Variants in MYZAP observed in about 807,000 individuals in gnomAD.
The protein encoded by MYZAP is GRINL1A complex locus upstream.
A neutral mutation model predicts 69.4 loss-of-function variants in MYZAP; 66 were observed. That is an observed-to-expected ratio of 0.95 (90% CI 0.78 to 1.17). The LOEUF (loss-of-function observed/expected upper bound fraction) is 1.17, where lower values mean the gene tolerates loss of function less well. Ranked by LOEUF, MYZAP falls within the 50% of genes most tolerant of loss-of-function variation. The probability of loss-of-function intolerance (pLI) is 0.00; values close to 1 mark genes in which losing one functional copy is unlikely to be tolerated. For missense variants in MYZAP, 611 were observed against 556.2 expected, an observed-to-expected ratio of 1.10 and a Z score of -0.99; for synonymous variants, 256 against 205.9, an observed-to-expected ratio of 1.24 and a Z score of -2.09.
intron 10 of MYZAP, among the ~76,000 whole-genome samples, chr15:57,644,416 G>T (rs2037333890): frequency 6.6e-6 from 1 of 152,098 alleles, no homozygotes; most frequent in Non-Finnish European, 1.5e-5. Flanking sequence ...CTGGTCCTGG[G>T]AGGATTCTGT....
At position 57,595,676 on chromosome 15, in the gene MYZAP, A is replaced by C. The variant is rs558780714; in HGVS notation, c.75+3567A>C. Reference sequence around the variant, plus strand: ...GGGCTGTGGAATGATAGATCTGTCAAGGATCTTCTCCAGCACCTTGCTCTC... The same window carrying C: ...GGGCTGTGGAATGATAGATCTGTCACGGATCTTCTCCAGCACCTTGCTCTC... On this transcript the variant is annotated intron_variant, in intron 1 of 12. Coordinates refer to ENST00000267853, the MANE Select transcript of MYZAP (RefSeq NM_001018100.5). Among the ~76,000 whole-genome samples, 4 of 152,284 alleles carry C rather than the reference A, an allele frequency of 2.6e-5. No homozygotes were observed. The South Asian group carries it at 8.3e-4, about 32-fold the overall frequency.
chr15:57,593,214 A>ACACACACACACACACAC (rs1172761785), intron 1 of MYZAP, among the ~76,000 whole-genome samples: 1 of 141,342 alleles, frequency 7.1e-6, no homozygotes, highest in Non-Finnish European at 1.5e-5. Flanking sequence ...ACACACACAC[A>ACACACACACACACACAC]CCCCAGAATC....
chr15:57,671,406 G>C (rs1196307856), intron 11 of MYZAP, among the ~76,000 whole-genome samples: 2 of 152,076 alleles, frequency 1.3e-5, no homozygotes, highest in African/African-American at 2.4e-5. Flanking sequence ...TGAGCTTCTT[G>C]AATTTGTAAA....
intron 8 of MYZAP, 67 bp from the exon 9 acceptor site, chr15:57,637,628 G>T: frequency 5.8e-6 from 9 of 1,551,020 alleles, no homozygotes; most frequent in Non-Finnish European, 7.0e-6. Flanking sequence ...TGCTAGAATT[G>T]CTAAATAGAC....
At chr15:57,599,044 T>C (rs2034244245) in intron 1 of MYZAP, among the ~76,000 whole-genome samples, 1 of 152,242 alleles carries the variant, frequency 6.6e-6, no homozygotes, top group Admixed American at 6.5e-5. Context: ...GCTTAATGCG[T>C]GCCAGAAATT....
At chr15:57,625,677 A>C in intron 4 of MYZAP, 102 bp from the exon 5 acceptor site, 1 of 978,602 alleles carries the variant, frequency 1.0e-6, no homozygotes. Flanking sequence ...GATATTGTTG[A>C]AGTAGATGTG....
chr15:57,671,292 C>T (rs1328234502), intron 11 of MYZAP, among the ~76,000 whole-genome samples: 2 of 152,064 alleles, frequency 1.3e-5, no homozygotes, highest in Admixed American at 1.3e-4. Flanking sequence ...AATGATTATG[C>T]TCCTGTATAT....
At chr15:57,633,865 AGACAAAGCTAT>A in intron 8 of MYZAP, 124 bp downstream of exon 8, 2 of 1,113,558 alleles carry the variant, frequency 1.8e-6, no homozygotes, top group Non-Finnish European at 2.3e-6. Context: ...AAAAAAAAAA[AGACAAAGCTAT>A]AAAATAAAGT....
chr15:57,618,943 G>T (rs546668265), intron 3 of MYZAP, among the ~76,000 whole-genome samples: 1 of 152,326 alleles, frequency 6.6e-6, no homozygotes, highest in Non-Finnish European at 1.5e-5. Context: ...GTGCTTGTAA[G>T]AGGCAGTGTA....
chr15:57,678,846 C>T (rs1418757643), intron 12 of MYZAP, among the ~76,000 whole-genome samples: 3 of 151,868 alleles, frequency 2.0e-5, no homozygotes, highest in African/African-American at 7.3e-5. Flanking sequence ...ATTTTTAGAG[C>T]TGCTCTACTT....
chr15:57,618,220 T>A, intron 3 of MYZAP, 32 bp downstream of exon 3: 1 of 1,607,156 alleles, frequency 6.2e-7, no homozygotes, highest in Non-Finnish European at 8.5e-7. Context: ...GCCCCCCACC[T>A]GTATTCTTTT....
intron 11 of MYZAP, 92 bp downstream of exon 11, chr15:57,661,625 C>A: frequency 1.8e-6 from 2 of 1,120,388 alleles, no homozygotes; most frequent in Non-Finnish European, 2.5e-6. Flanking sequence ...AAAAATATGG[C>A]TATTTCCCGG....
intron 5 of MYZAP, 108 bp from the exon 6 acceptor site, chr15:57,629,594 G>A: frequency 6.9e-7 from 1 of 1,441,462 alleles, no homozygotes; most frequent in Non-Finnish European, 9.2e-7. Flanking sequence ...CTGTAGCCTA[G>A]GACAGCTACC....
chr15:57,632,216 G>A (rs2036547006), intron 6 of MYZAP, among the ~76,000 whole-genome samples: 1 of 152,164 alleles, frequency 6.6e-6, no homozygotes, highest in Admixed American at 6.5e-5. Flanking sequence ...TCCTGAGAAT[G>A]CCCCCAAAAT....
chr15:57,592,747 C>G (rs1355976249), intron 1 of MYZAP, among the ~76,000 whole-genome samples: 2 of 152,154 alleles, frequency 1.3e-5, no homozygotes, highest in Admixed American at 1.3e-4. Flanking sequence ...AGTGCTGTTT[C>G]TTTTTGATCT....
chr15:57,600,567 C>T (rs1328790510), intron 1 of MYZAP, among the ~76,000 whole-genome samples: 1 of 152,182 alleles, frequency 6.6e-6, no homozygotes, highest in Non-Finnish European at 1.5e-5. Context: ...GAGGGACCAT[C>T]TAACTTTTGA....
intron 2 of MYZAP, among the ~76,000 whole-genome samples, chr15:57,605,067 G>A (rs903187471): frequency 2.6e-5 from 4 of 152,192 alleles, no homozygotes; most frequent in African/African-American, 9.7e-5. Flanking sequence ...AGGAGGTCCT[G>A]CTGACCTCTA....
intron 1 of MYZAP, among the ~76,000 whole-genome samples, chr15:57,594,842 A>C (rs188739419): frequency 6.6e-6 from 1 of 152,240 alleles, no homozygotes; most frequent in East Asian, 1.9e-4. Flanking sequence ...TAGACCAAAT[A>C]ATCATTGGAA....
intron 3 of MYZAP, among the ~76,000 whole-genome samples, chr15:57,620,015 A>G (rs950627814): frequency 8.6e-5 from 13 of 151,970 alleles, no homozygotes; most frequent in Non-Finnish European, 1.3e-4. Context: ...TGGTCATTGC[A>G]GTATTTGCCT....
Sources: gnomAD v4.1 joint callset for allele counts (sites outside exome capture counted in the v4.1 genomes callset) on GRCh38, gnomAD v4.1.1 for gene constraint, MANE v1.5 for transcripts, NCBI Gene and HGNC (gene_info 2026-07-23, HGNC 2026-07-21) for gene names.